TRIM21: variants seen among roughly 807,000 people sequenced by gnomAD.
TRIM21 encodes the protein tripartite motif containing 21.
In TRIM21, 35 loss-of-function variants were observed where a neutral mutation model predicts 36.1. The ratio of observed to expected loss-of-function variants is 0.97; its 90% CI spans 0.74 to 1.28. The LOEUF (loss-of-function observed/expected upper bound fraction) is 1.28. TRIM21 is among the 50% of genes most tolerant of loss of function. The pLI, the probability that TRIM21 is intolerant of heterozygous loss-of-function variation, is 0.00. For missense variants in TRIM21, 635 were observed against 570.7 expected (o/e 1.11, Z -1.15); for synonymous variants, 256 against 211.5 (o/e 1.21, Z -1.83).
At position 4,390,280 on chromosome 11, in the gene TRIM21, C is replaced by G; in HGVS notation, c.130G>C (p.Gly44Arg). ...GGACAGACGCTGCCCCCACCTTTCC[C>G]AACCTGAGAGATGCATTCCTGGCAG... ...SFCQECISQV[G>R]KGGGSVCPVC... is the part of the protein sequence containing the mutation. Residue 44 changes from glycine to arginine, a missense_variant, in exon 2 of 7, where the codon GGG becomes CGG. Coordinates refer to ENST00000254436, the MANE Select transcript of TRIM21 (RefSeq NM_003141.4). The G allele has an allele frequency of 6.2e-7, 1 of 1,613,996 alleles. No individual in the cohort carries two copies. Among genetic ancestry groups the G allele is most frequent in the Non-Finnish European group, 8.5e-7 (1 of 1,179,892 alleles).
intron 4 of TRIM21, among the ~76,000 whole-genome samples, chr11:4,387,827 G>A (rs1039606742): frequency 7.1e-6 from 1 of 140,002 alleles, no homozygotes; most frequent in African/African-American, 2.8e-5. Context: ...GTGAAACTCT[G>A]TCTCATAAAT....
At chr11:4,391,393 T>C (rs7947855) in intron 1 of TRIM21, among the ~76,000 whole-genome samples, 9 of 152,186 alleles carry the variant, frequency 5.9e-5, no homozygotes, top group African/African-American at 2.2e-4. Flanking sequence ...TCATCTCAGT[T>C]AAAATGTCTT....
At chr11:4,393,446 C>A (rs182258673) in intron 1 of TRIM21, among the ~76,000 whole-genome samples, 187 bp downstream of exon 1, 114 of 152,300 alleles carry the variant, frequency 7.5e-4, no homozygotes, top group African/African-American at 2.6e-3. Context: ...CACACCCCAG[C>A]CTCCTCCCAA....
chr11:4,389,605 C>T, intron 3 of TRIM21, 49 bp downstream of exon 3: 1 of 1,533,558 alleles, frequency 6.5e-7, no homozygotes, highest in Non-Finnish European at 9.0e-7. Flanking sequence ...GGACTCTGGA[C>T]CCTGCCCAGC....
Position 4,385,417 on chromosome 11 carries a change from G to A in TRIM21, c.1296C>T (p.Ser432=). 6 of 1,613,848 alleles carry A rather than the reference G, an allele frequency of 3.7e-6. No homozygotes were observed. The South Asian group carries it at 4.4e-5, about 12-fold the overall frequency. The change falls in exon 7 of 7, where the codon TCC becomes TCT. Residue 432 remains serine (S), a synonymous_variant. Transcript: ENST00000254436. ...GTCCTGTAAAGGCACATTCAGAGAA[G>A]GAGTAGATGAGGGAGCCATGGTCAG... The part of the protein sequence containing the change: ...NITDHGSLIY[S]FSECAFTGPL...
At chr11:4,388,067 G>T (rs2094958413) in intron 4 of TRIM21, among the ~76,000 whole-genome samples, 1 of 152,186 alleles carries the variant, frequency 6.6e-6, no homozygotes, top group Non-Finnish European at 1.5e-5. Context: ...ACATATCATT[G>T]GTGGATGCAA....
chr11:4,385,850 T>C lies in TRIM21; in HGVS notation c.863A>G (p.His288Arg). The C allele has an allele frequency of 1.2e-6, 2 of 1,606,246 alleles. No homozygotes were observed. Among genetic ancestry groups the C allele is most frequent in the Non-Finnish European group, 1.7e-6 (2 of 1,175,922 alleles). ...GGCTGTGTCTGGATCCAGAGTGATG[T>C]GGACTGCAGAGAGAGGACCACAGTC... is the stretch of plus-strand genomic sequence containing the variant. ...LKKMLRTCAV[H>R]ITLDPDTANP... is the part of the protein sequence containing the mutation. The change falls in exon 7 of 7, where the codon CAC becomes CGC. Residue 288 changes from histidine (H) to arginine (R), a missense_variant. Transcript: ENST00000254436.
At chr11:4,388,790 C>T (rs1486047989) in intron 3 of TRIM21, among the ~76,000 whole-genome samples, 1 of 152,128 alleles carries the variant, frequency 6.6e-6, no homozygotes, top group Non-Finnish European at 1.5e-5. Context: ...ACGACAGCTA[C>T]ACGAATATAT....
Position 4,385,693 on chromosome 11 carries a change from T to C in TRIM21, c.1020A>G (p.Gly340=). Residue 340 remains glycine, a synonymous_variant, in exon 7 of 7, where the codon GGA becomes GGG. Coordinates refer to ENST00000254436, the MANE Select transcript of TRIM21 (RefSeq NM_003141.4). ...MVLGAQHFHS[G]KHYWEVDVTG... ...TCACATCTACCTCCCAGTAATGTTTTCCAGAGTGAAAGTGCTGGGCACCCA... is the reference window on the plus strand; with the variant it reads ...TCACATCTACCTCCCAGTAATGTTTCCCAGAGTGAAAGTGCTGGGCACCCA... 6.2e-7 allele frequency: 1 copy of C among 1,613,346 alleles called. No individual in the cohort carries two copies. The highest frequency in any genetic ancestry group is 2.2e-5 in the East Asian group (1 of 44,846).
Position 4,385,356 on chromosome 11 carries a change from C to T in TRIM21, c.1357G>A (p.Gly453Arg). ...RPFFSPGFND[G>R]GKNTAPLTLC... Reference sequence around the variant, plus strand: ...GTTAGAGGGGCTGTGTTTTTTCCTCCATCATTGAAACCAGGACTGAAGAAG... The same window carrying T: ...GTTAGAGGGGCTGTGTTTTTTCCTCTATCATTGAAACCAGGACTGAAGAAG... Residue 453 changes from glycine to arginine, a missense_variant, in exon 7 of 7, where the codon GGA (glycine) becomes AGA (arginine). Physicochemically the swap from Gly to Arg is moderately radical, Grantham distance 125 (BLOSUM62 -2). Transcript: ENST00000254436. The T allele has an allele frequency of 1.2e-6, 2 of 1,613,632 alleles. No homozygotes were observed.
rs920089619 is a variant in TRIM21 at position 4,389,643 on chromosome 11, G to A, written c.504+11C>T. 3 of 1,611,266 alleles carry A rather than the reference G, an allele frequency of 1.9e-6. No homozygotes were observed. The highest frequency in any genetic ancestry group is 2.5e-6 in the Non-Finnish European group (3 of 1,177,488). ...TCCAGCCTAAGATCTCCTTCAGGAT[G>A]TCATTCTTACCTTCCAGTCTGCTCT... On this transcript the variant is annotated intron_variant, in intron 3 of 6. Transcript: ENST00000254436.
rs758865723 is a variant in TRIM21, at chr11:4,390,348, T to A, written c.62A>T (p.Asp21Val). The change falls in exon 2 of 7, where the codon GAC becomes GTC. Residue 21 changes from aspartate to valine, a missense_variant. Physicochemically the swap from Asp to Val is radical, Grantham distance 152. Coordinates refer to ENST00000254436, the MANE Select transcript of TRIM21 (RefSeq NM_003141.4). ...WEEVTCPICL[D>V]PFVEPVSIEC... Reference sequence around the variant, plus strand: ...GATGCTCACAGGCTCCACGAAGGGGTCCAGGCAGATAGGGCATGTGACCTC... The same window carrying A: ...GATGCTCACAGGCTCCACGAAGGGGACCAGGCAGATAGGGCATGTGACCTC... The A allele has an allele frequency of 6.2e-7, 1 of 1,613,584 alleles. No individual in the cohort carries two copies. Among genetic ancestry groups the A allele is most frequent in the South Asian group, 1.1e-5 (1 of 91,064 alleles).
rs116261193 is a variant in TRIM21 at position 4,392,064 on chromosome 11, A to G, written c.-50+1569T>C. Among the ~76,000 whole-genome samples, 734 of 152,294 alleles carry G rather than the reference A, an allele frequency of 4.8e-3. 5 individuals are homozygous for G. Among genetic ancestry groups the G allele is most frequent in the African/African-American group, 0.017 (700 of 41,548 alleles). On this transcript the variant is annotated intron_variant, in intron 1 of 6. Coordinates refer to ENST00000254436, the MANE Select transcript of TRIM21 (RefSeq NM_003141.4). The stretch of plus-strand genomic sequence containing the variant: ...TCAATAATTTAATTGTACATTAAAA[A>G]TAAGAGTATAATTGCATAGTTTGTA...
rs1423967961 is a variant in TRIM21, at chr11:4,390,072, A to G, written c.338T>C (p.Val113Ala). 3.1e-6 allele frequency: 5 copies of G among 1,613,990 alleles called. 1 individual carries two copies. In the South Asian group the frequency reaches 4.4e-5, roughly 14 times the overall value. The change falls in exon 2 of 7, where the codon GTA becomes GCA. Residue 113 changes from valine (V) to alanine (A), a missense_variant. By Grantham distance (64) the Val-to-Ala change is moderately conservative. Coordinates refer to ENST00000254436, the MANE Select transcript of TRIM21 (RefSeq NM_003141.4). ...CEKDGKALCWVCAQSRKHRDH... is the reference protein window; with the variant it reads ...CEKDGKALCWACAQSRKHRDH... Reference sequence around the variant, plus strand: ...ACGGTGTTTCCGAGACTGGGCACATACCCAGCAAAGGGCCTTCCCATCTTT... The same window carrying G: ...ACGGTGTTTCCGAGACTGGGCACATGCCCAGCAAAGGGCCTTCCCATCTTT...
At chr11:4,386,413 C>T (rs780018211) in intron 5 of TRIM21, 156 bp from the exon 6 acceptor site, 2 of 707,446 alleles carry the variant, frequency 2.8e-6, no homozygotes, top group African/African-American at 1.8e-5. Context: ...GAGAGGCAAA[C>T]AATGCAGGAT....
intron 3 of TRIM21, 74 bp from the exon 4 acceptor site, chr11:4,388,604 C>T (rs575609919): frequency 7.0e-7 from 1 of 1,436,056 alleles, no homozygotes; most frequent in Non-Finnish European, 9.6e-7. Flanking sequence ...GGTATTGGTA[C>T]CTATTCCTAT....
intron 1 of TRIM21, 79 bp from the exon 2 acceptor site, chr11:4,390,537 C>A: frequency 1.2e-6 from 1 of 845,608 alleles, no homozygotes; most frequent in Non-Finnish European, 1.8e-6. Flanking sequence ...TAATCCCTAT[C>A]AAAATACCAA....
Position 4,390,091 on chromosome 11 carries a change from C to T in TRIM21, c.319G>A (p.Gly107Arg), listed in dbSNP as rs1359068205. ...ERLHLFCEKD[G>R]KALCWVCAQS... Reference sequence around the variant, plus strand: ...GCACATACCCAGCAAAGGGCCTTCCCATCTTTCTCACAGAACAGGTGAAGT... The same window carrying T: ...GCACATACCCAGCAAAGGGCCTTCCTATCTTTCTCACAGAACAGGTGAAGT... The change falls in exon 2 of 7, where the codon GGG (glycine) becomes AGG (arginine). Residue 107 changes from glycine to arginine, a missense_variant. Coordinates refer to ENST00000254436, the MANE Select transcript of TRIM21 (RefSeq NM_003141.4). The T allele has an allele frequency of 5.0e-6, 8 of 1,614,002 alleles. No homozygotes were observed. In the Admixed American group the frequency reaches 5.0e-5, roughly 10 times the overall value.
chr11:4,386,025 A>T (rs1371369533), intron 6 of TRIM21, 132 bp downstream of exon 6: 1 of 1,080,396 alleles, frequency 9.3e-7, no homozygotes, highest in South Asian at 1.5e-5. Context: ...TGAAGAAACC[A>T]TCTTCCTTAC....
Sources: gnomAD v4.1 joint callset for allele counts (sites outside exome capture counted in the v4.1 genomes callset) on GRCh38, gnomAD v4.1.1 for gene constraint, MANE v1.5 for transcripts, NCBI Gene and HGNC (gene_info 2026-07-23, HGNC 2026-07-21) for gene names.